PARVA: variants seen among roughly 807,000 people sequenced by gnomAD.
PARVA encodes the protein parvin alpha, also known as alpha-parvin.
Under a neutral mutation model 52.6 loss-of-function variants are expected in PARVA, and 25 were observed. That is an observed-to-expected ratio of 0.48 (90% confidence interval 0.35 to 0.66). PARVA has a LOEUF of 0.66. PARVA is among the 30% of genes least tolerant of loss of function. The pLI is 0.01. For synonymous variants in PARVA, 185 were observed against 179.1 expected, an observed-to-expected ratio of 1.03 and a Z score of -0.26; for missense variants, 373 against 450.9, an observed-to-expected ratio of 0.83 and a Z score of 1.56.
intron 12 of PARVA, among the ~76,000 whole-genome samples, chr11:12,519,359 G>C (rs1182078106): frequency 1.3e-5 from 2 of 152,204 alleles, no homozygotes; most frequent in East Asian, 3.9e-4. Context: ...TGGGGGCCAT[G>C]CCCTGGTCTA....
chr11:12,526,044 G>A (rs764974515), intron 12 of PARVA, among the ~76,000 whole-genome samples: 3 of 152,046 alleles, frequency 2.0e-5, no homozygotes, highest in Non-Finnish European at 4.4e-5. Flanking sequence ...GTGATATAAC[G>A]GACTTTAGAG....
intron 1 of PARVA, among the ~76,000 whole-genome samples, chr11:12,413,890 G>A (rs1447596429): frequency 2.0e-5 from 3 of 152,348 alleles, no homozygotes; most frequent in African/African-American, 4.8e-5. Context: ...AGAGAACAAA[G>A]CAGTTTCTGC....
chr11:12,401,873 G>A (rs1374873487), intron 1 of PARVA, among the ~76,000 whole-genome samples: 1 of 152,234 alleles, frequency 6.6e-6, no homozygotes, highest in Non-Finnish European at 1.5e-5. Flanking sequence ...AGGCATGGGA[G>A]TGTGATTGCT....
intron 1 of PARVA, among the ~76,000 whole-genome samples, chr11:12,383,428 C>A (rs1939522579): frequency 6.6e-6 from 1 of 152,198 alleles, no homozygotes; most frequent in Non-Finnish European, 1.5e-5. Context: ...AAGTTTTTAT[C>A]CCCCAGAGTT....
rs1356348230 is a variant in PARVA, at chr11:12,528,171, C to A, written c.*246C>A. ...TGAAGGTTGGGAAGGTTGTTCCCTT[C>A]CCGGTGCCAGGTCCAGATTTCCCTC... is the stretch of plus-strand genomic sequence containing the variant. On this transcript the variant is annotated 3_prime_UTR_variant, in exon 13 of 13. Coordinates refer to ENST00000334956, the MANE Select transcript of PARVA (RefSeq NM_018222.5). 3.9e-6 allele frequency: 2 copies of A among 511,492 alleles called. No homozygotes were observed. Among genetic ancestry groups the A allele is most frequent in the Non-Finnish European group, 7.0e-6 (2 of 286,094 alleles). 31.7% of individuals were successfully genotyped at this position (511,492 alleles called of 1,614,324 possible).
At position 12,403,378 on chromosome 11, in the gene PARVA, A is replaced by C. The variant is rs148974349; in HGVS notation, c.136+25595A>C. ...CCCCTAGCAGGTGATGGAAGCCTAC[A>C]CAACCTTTAGGGAAGCTGAAGGCTT... On this transcript the variant is annotated intron_variant, in intron 1 of 12. Transcript: ENST00000334956. Among the ~76,000 whole-genome samples, 948 of 152,378 alleles carry C rather than the reference A, an allele frequency of 6.2e-3. 7 individuals carry two copies. Among genetic ancestry groups the C allele is most frequent in the Middle Eastern group, 0.017 (5 of 294 alleles).
rs746644973 is a variant in PARVA, at chr11:12,377,593, TCCGCCCAGCGCCAGCTCCGCGTCCCGA to T, written c.-51_-25del. 25 of 1,509,766 alleles carry T rather than the reference TCCGCCCAGCGCCAGCTCCGCGTCCCGA, an allele frequency of 1.7e-5. No individual in the cohort carries two copies. The highest frequency in any genetic ancestry group is 2.2e-5 in the Non-Finnish European group (25 of 1,132,548). The allele number at this position is 1,509,766 out of a possible 1,614,324, so 93.5% of individuals were successfully genotyped here. On this transcript the variant is annotated 5_prime_UTR_variant, in exon 1 of 13. Transcript: ENST00000334956. ...CTCAGTCCCGCCGCCGCCCGCTGCG[TCCGCCCAGCGCCAGCTCCGCGTCCCGA>T]CCGGCCCGCGGCAGCCTGCGCCGCG...
chr11:12,503,087 T>C (rs1203374566), intron 5 of PARVA, among the ~76,000 whole-genome samples: 2 of 152,160 alleles, frequency 1.3e-5, no homozygotes, highest in Non-Finnish European at 2.9e-5. Context: ...TGTAAATGGC[T>C]TGACTTTGAG....
intron 1 of PARVA, among the ~76,000 whole-genome samples, chr11:12,416,847 G>A (rs1940073904): frequency 6.6e-6 from 1 of 152,090 alleles, no homozygotes; most frequent in Admixed American, 6.5e-5. Context: ...GAGAGCATGA[G>A]GGCTGATCAC....
At chr11:12,420,464 A>G (rs1337421206) in intron 1 of PARVA, among the ~76,000 whole-genome samples, 1 of 152,234 alleles carries the variant, frequency 6.6e-6, no homozygotes, top group East Asian at 1.9e-4. Context: ...GAAAAGATCT[A>G]GAACAGAGGG....
intron 3 of PARVA, among the ~76,000 whole-genome samples, chr11:12,474,569 T>G (rs147168677): frequency 6.6e-6 from 1 of 152,086 alleles, no homozygotes; most frequent in East Asian, 1.9e-4. Context: ...AAGGCACTCA[T>G]GAGTGTCATC....
intron 1 of PARVA, among the ~76,000 whole-genome samples, chr11:12,433,045 T>C (rs1940337046): frequency 6.6e-6 from 1 of 152,202 alleles, no homozygotes; most frequent in South Asian, 2.1e-4. Context: ...TAGAAGAAGC[T>C]AGGAAAAGCT....
intron 10 of PARVA, among the ~76,000 whole-genome samples, chr11:12,514,721 G>A (rs1158662904): frequency 6.6e-6 from 1 of 152,156 alleles, no homozygotes; most frequent in Non-Finnish European, 1.5e-5. Context: ...TCAGACCTCA[G>A]GTGATCCACC....
chr11:12,399,034 CAGAG>C (rs1182999858), intron 1 of PARVA, among the ~76,000 whole-genome samples: 1 of 152,152 alleles, frequency 6.6e-6, no homozygotes, highest in Non-Finnish European at 1.5e-5. Context: ...AACTGAGGCA[CAGAG>C]AGGTTGAGCA....
At chr11:12,432,741 G>A (rs1390630672) in intron 1 of PARVA, among the ~76,000 whole-genome samples, 1 of 152,156 alleles carries the variant, frequency 6.6e-6, no homozygotes, top group Non-Finnish European at 1.5e-5. Context: ...CAAGATTTTC[G>A]AGAATATTTT....
chr11:12,458,635 C>T (rs1295280749), intron 1 of PARVA, among the ~76,000 whole-genome samples: 1 of 152,174 alleles, frequency 6.6e-6, no homozygotes, highest in African/African-American at 2.4e-5. Flanking sequence ...GACTCTGGCC[C>T]CCAGTTCTCT....
intron 1 of PARVA, chr11:12,453,024 C>T (rs1202060346): frequency 4.4e-6 from 2 of 456,384 alleles, no homozygotes; most frequent in East Asian, 1.4e-4. Flanking sequence ...GGGCACTTTG[C>T]CCTCAAGGTA....
intron 6 of PARVA, among the ~76,000 whole-genome samples, chr11:12,506,005 G>T (rs866200143): frequency 6.6e-6 from 1 of 152,206 alleles, no homozygotes. Flanking sequence ...GATAGTGACA[G>T]TATCAATTAT....
chr11:12,494,404 A>G (rs1941271544), intron 4 of PARVA, among the ~76,000 whole-genome samples: 1 of 152,186 alleles, frequency 6.6e-6, no homozygotes, highest in Admixed American at 6.5e-5. Context: ...CCCCATCCTC[A>G]GAGCTTTCTA....
Sources: gnomAD v4.1 joint callset for allele counts (sites outside exome capture counted in the v4.1 genomes callset) on GRCh38, gnomAD v4.1.1 for gene constraint, MANE v1.5 for transcripts, NCBI Gene and HGNC (gene_info 2026-07-23, HGNC 2026-07-21) for gene names.